Variants in PRKDC observed in about 807,000 individuals in gnomAD.
PRKDC encodes DNA-dependent protein kinase catalytic subunit.
In PRKDC, 82 loss-of-function variants were observed where a neutral mutation model predicts 486.9. That is an observed-to-expected ratio of 0.17 (90% CI 0.14 to 0.20). The LOEUF (loss-of-function observed/expected upper bound fraction) is 0.20. PRKDC is among the 10% of genes least tolerant of loss of function. The pLI, the probability that PRKDC is intolerant of heterozygous loss-of-function variation, is 1.00. For missense variants in PRKDC, 4,504 were observed against 5,038.2 expected, an observed-to-expected ratio of 0.89 and a Z score of 3.21; for synonymous variants, 1,895 against 1,837.0, an observed-to-expected ratio of 1.03 and a Z score of -0.81.
At chr8:47,822,803 C>A (rs1347449719) in intron 64 of PRKDC, among the ~76,000 whole-genome samples, 1 of 151,868 alleles carries the variant, frequency 6.6e-6, no homozygotes, top group Non-Finnish European at 1.5e-5. Context: ...AACAAACAAA[C>A]AAAACCTGGA....
At chr8:47,923,165 G>T (rs1384854949) in intron 21 of PRKDC, among the ~76,000 whole-genome samples, 1 of 151,770 alleles carries the variant, frequency 6.6e-6, no homozygotes, top group Admixed American at 6.6e-5. Context: ...CCGGGTTCAA[G>T]TGGTTCTCTG....
At chr8:47,831,793 A>T (rs1221076370) in intron 60 of PRKDC, 21 bp downstream of exon 60, 1 of 1,610,374 alleles carries the variant, frequency 6.2e-7, no homozygotes, top group African/African-American at 1.3e-5. Context: ...GTTCTGATCA[A>T]ATTCTTGACA....
intron 31 of PRKDC, among the ~76,000 whole-genome samples, chr8:47,891,459 ACCTGTAAT>A (rs1443401170): frequency 2.0e-5 from 3 of 152,160 alleles, no homozygotes; most frequent in African/African-American, 7.2e-5. Flanking sequence ...GGTGGCTCAC[ACCTGTAAT>A]CCCAGCACTT....
At position 47,954,424 on chromosome 8, in the gene PRKDC, G is replaced by T. The variant is rs201231274; in HGVS notation, c.422C>A (p.Ser141Tyr). ...AATTTTAAATTCATCCATGAGTCTA[G>T]AACTTCTAAAAGTCTGAAGTAACTA... ...LIKLLQTFRS[S>Y]RLMDEFKIGE... Residue 141 changes from serine to tyrosine, a missense_variant, in exon 5 of 86, where the codon TCT becomes TAT. By Grantham distance (144) the Ser-to-Tyr change is moderately radical. Coordinates refer to ENST00000314191, the MANE Select transcript of PRKDC (RefSeq NM_006904.7). The T allele has an allele frequency of 4.4e-6, 6 of 1,349,234 alleles. No individual in the cohort carries two copies. Among genetic ancestry groups the T allele is most frequent in the South Asian group, 1.6e-5 (1 of 62,840 alleles). The allele number at this position is 1,349,234 out of a possible 1,614,324, so 83.6% of individuals were successfully genotyped here.
At chr8:47,775,519 G>A (rs2086593211) in intron 85 of PRKDC, among the ~76,000 whole-genome samples, 1 of 151,074 alleles carries the variant, frequency 6.6e-6, no homozygotes, top group Admixed American at 6.6e-5. Flanking sequence ...TTACAGGTGT[G>A]AGCCACTGCG....
At position 47,862,486 on chromosome 8, in the gene PRKDC, T is replaced by C; in HGVS notation, c.5806A>G (p.Arg1936Gly). 3 of 1,613,774 alleles carry C rather than the reference T, an allele frequency of 1.9e-6. No homozygotes were observed. The highest frequency in any genetic ancestry group is 2.5e-6 in the Non-Finnish European group (3 of 1,179,762). Residue 1936 changes from arginine to glycine, a missense_variant, in exon 43 of 86, where the codon AGG becomes GGG. This residue lies in a region of PRKDC where 80 missense variants were observed against 132.3 expected (regional missense o/e 0.60). Transcript: ENST00000314191. ...NMAGENQLLE[R>G]RRLYHCAAYN... ...GCTGCACAATGGTAAAGTCTTCTCC[T>C]CTCCAGCAGCTGATTCTCTCCTGCC...
At chr8:47,819,611 T>C in intron 66 of PRKDC, 101 bp from the exon 67 acceptor site, 1 of 521,426 alleles carries the variant, frequency 1.9e-6, no homozygotes, top group Admixed American at 3.8e-5. Flanking sequence ...AATTATGAAA[T>C]GTAGCAATTA....
chr8:47,785,018 A>G, intron 77 of PRKDC, 95 bp downstream of exon 77: 1 of 1,180,372 alleles, frequency 8.5e-7, no homozygotes, highest in South Asian at 1.4e-5. Context: ...AATAACTGTC[A>G]ATATCCCAGT....
At chr8:47,912,378 T>C in intron 25 of PRKDC, 32 bp downstream of exon 25, 1 of 1,479,548 alleles carries the variant, frequency 6.8e-7, no homozygotes, top group Non-Finnish European at 9.0e-7. Flanking sequence ...CTTTTAGAAA[T>C]TTTACAACTA....
intron 46 of PRKDC, among the ~76,000 whole-genome samples, 158 bp downstream of exon 46, chr8:47,859,453 A>G (rs1474669009): frequency 6.6e-6 from 1 of 152,228 alleles, no homozygotes; most frequent in Non-Finnish European, 1.5e-5. Flanking sequence ...ATAAAAGGCT[A>G]GGAATTAGAT....
chr8:47,879,531 C>G lies in PRKDC; in HGVS notation c.5195G>C (p.Gly1732Ala). ...CACATAATTATTGAACCGCGGAGTT[C>G]CTGGAGGAAATTCCCTGGACTGCAT... ...FPMQSREFPP[G>A]TPRFNNYVDC... Residue 1732 changes from glycine to alanine, a missense_variant, in exon 39 of 86, where the codon GGA (glycine) becomes GCA (alanine). Coordinates refer to ENST00000314191, the MANE Select transcript of PRKDC (RefSeq NM_006904.7). The G allele has an allele frequency of 6.3e-7, 1 of 1,598,536 alleles. No individual in the cohort carries two copies. Among genetic ancestry groups the G allele is most frequent in the East Asian group, 2.3e-5 (1 of 44,424 alleles).
chr8:47,925,338 G>C lies in PRKDC; in HGVS notation c.2419+1856C>G, dbSNP rs149903932. ...AAGAGAACCCAGCGTCTGTCAAAAA[G>C]GCACAGCCCAAAACTCATCAAGAGG... On this transcript the variant is annotated intron_variant, in intron 21 of 85. Coordinates refer to ENST00000314191, the MANE Select transcript of PRKDC (RefSeq NM_006904.7). 3.3e-3 allele frequency among the ~76,000 whole-genome samples: 499 copies of C among 152,304 alleles called. 3 individuals carry two copies. The highest frequency in any genetic ancestry group is 4.0e-3 in the Non-Finnish European group (271 of 68,030).
At chr8:47,878,581 C>T (rs1482036198) in intron 39 of PRKDC, among the ~76,000 whole-genome samples, 1 of 152,142 alleles carries the variant, frequency 6.6e-6, no homozygotes, top group Non-Finnish European at 1.5e-5. Context: ...AGGGGATATC[C>T]CAGGCCGCTC....
At chr8:47,920,251 C>T (rs532924096) in intron 21 of PRKDC, among the ~76,000 whole-genome samples, 2 of 152,298 alleles carry the variant, frequency 1.3e-5, no homozygotes, top group African/African-American at 4.8e-5. Context: ...GTCTTTAATT[C>T]CTCTAGCGCT....
In PRKDC at chr8:47,773,468, T is replaced by C. The variant is rs1450477484; in HGVS notation, c.*705A>G. The C allele has an allele frequency of 1.0e-4, 22 of 218,478 alleles. No individual in the cohort carries two copies. In the Admixed American group the frequency reaches 1.3e-3, roughly 13 times the overall value. 13.5% of individuals were successfully genotyped at this position (218,478 alleles called of 1,614,324 possible). ...ATCCCAAATTCAATGCAAAGCACTT[T>C]TATGTATCTTCCAGTTGTAGATTGG... On this transcript the variant is annotated 3_prime_UTR_variant, in exon 86 of 86. Transcript: ENST00000314191.
intron 1 of PRKDC, among the ~76,000 whole-genome samples, chr8:47,959,646 T>A (rs1244781531): frequency 1.3e-5 from 2 of 150,836 alleles, no homozygotes; most frequent in African/African-American, 4.9e-5. Context: ...GCCACTTCAC[T>A]CCAGCCTGGG....
intron 3 of PRKDC, 106 bp downstream of exon 3, chr8:47,957,065 G>A: frequency 1.5e-6 from 1 of 673,812 alleles, no homozygotes; most frequent in Non-Finnish European, 2.3e-6. Flanking sequence ...TCCCCAATGA[G>A]AAAGGAAAAT....
intron 71 of PRKDC, among the ~76,000 whole-genome samples, chr8:47,799,653 T>C (rs1209673375): frequency 6.6e-6 from 1 of 152,144 alleles, no homozygotes; most frequent in Non-Finnish European, 1.5e-5. Flanking sequence ...GAGCTGGGTC[T>C]GGTCAGTGGA....
intron 40 of PRKDC, among the ~76,000 whole-genome samples, chr8:47,870,251 G>A (rs914830710): frequency 1.3e-5 from 2 of 152,178 alleles, no homozygotes; most frequent in Non-Finnish European, 2.9e-5. Flanking sequence ...GTGCTGTGCT[G>A]TGCTTCAGGT....
Sources: gnomAD v4.1 joint callset for allele counts (sites outside exome capture counted in the v4.1 genomes callset) on GRCh38, gnomAD v4.1.1 for gene constraint, gnomAD v4.1.1 regional missense constraint, MANE v1.5 for transcripts, NCBI Gene and HGNC (gene_info 2026-07-23, HGNC 2026-07-21) for gene names.